Variants in PBK observed in about 807,000 individuals in gnomAD.
PBK encodes the protein PDZ binding kinase, also known as lymphokine-activated killer T-cell-originated protein kinase.
PBK carries 22 observed loss-of-function variants against 33.5 expected under a neutral mutation model. The observed-to-expected ratio is 0.66, with a 90% CI of 0.47 to 0.94. The LOEUF is 0.94. Ranked by LOEUF, PBK falls within the 40% of genes least tolerant of loss-of-function variation. The pLI is 0.00. For synonymous variants in PBK, 129 were observed against 123.8 expected, an observed-to-expected ratio of 1.04 and a Z score of -0.28; for missense variants, 376 against 383.4, an observed-to-expected ratio of 0.98 and a Z score of 0.16.
At chr8:27,835,829 G>C (rs1270405757) in intron 1 of PBK, among the ~76,000 whole-genome samples, 1 of 152,192 alleles carries the variant, frequency 6.6e-6, no homozygotes, top group Non-Finnish European at 1.5e-5. Flanking sequence ...GATTACAGGC[G>C]TGAGCCACCA....
chr8:27,833,667 A>ATTG (rs1242633877), intron 1 of PBK, among the ~76,000 whole-genome samples: 10 of 152,100 alleles, frequency 6.6e-5, no homozygotes, highest in Non-Finnish European at 1.5e-4. Flanking sequence ...AATATTAGTG[A>ATTG]TTGGGTATTT....
At chr8:27,833,289 C>A (rs946111700) in intron 1 of PBK, among the ~76,000 whole-genome samples, 156 bp from the exon 2 acceptor site, 1 of 151,882 alleles carries the variant, frequency 6.6e-6, no homozygotes, top group Non-Finnish European at 1.5e-5. Context: ...GTCGGTGGAT[C>A]ACCTGAGGTC....
At chr8:27,834,764 C>T (rs1043388633) in intron 1 of PBK, among the ~76,000 whole-genome samples, 1 of 151,960 alleles carries the variant, frequency 6.6e-6, no homozygotes, top group East Asian at 1.9e-4. Context: ...GGTGTGGTGG[C>T]GTGTACCTGT....
chr8:27,831,813 G>A (rs1323955276), intron 2 of PBK, among the ~76,000 whole-genome samples: 1 of 151,982 alleles, frequency 6.6e-6, no homozygotes, highest in South Asian at 2.1e-4. Context: ...AATTCACAAA[G>A]AAAATAAGAG....
chr8:27,833,402 G>A (rs546526733), intron 1 of PBK, among the ~76,000 whole-genome samples: 11 of 152,152 alleles, frequency 7.2e-5, no homozygotes, highest in African/African-American at 2.4e-4. Flanking sequence ...CCAGCTGCTT[G>A]GGAGGCTGAG....
chr8:27,833,700 T>C (rs1806174724), intron 1 of PBK, among the ~76,000 whole-genome samples: 1 of 130,608 alleles, frequency 7.7e-6, no homozygotes, highest in Non-Finnish European at 1.6e-5. Flanking sequence ...TAAAGTAATA[T>C]ATGCACTTAG....
In PBK at chr8:27,823,135, G is replaced by T. The variant is rs555494869; in HGVS notation, c.223C>A (p.Arg75=). 6.4e-7 allele frequency: 1 copy of T among 1,560,934 alleles called. No homozygotes were observed. The highest frequency in any genetic ancestry group is 8.8e-7 in the Non-Finnish European group (1 of 1,133,068). ...ATTAGTCTCTTTTGATACACACTTCGATAATGATCATTACATATAGGATTA... is the reference window on the plus strand; with the variant it reads ...ATTAGTCTCTTTTGATACACACTTCTATAATGATCATTACATATAGGATTA... ...KINPICNDHY[R]SVYQKRLMDE... Residue 75 remains arginine (R), a synonymous_variant, in exon 4 of 8, where the codon CGA becomes AGA. Transcript: ENST00000301905.
At chr8:27,812,987 T>C (rs1226767450) in intron 6 of PBK, among the ~76,000 whole-genome samples, 2 of 152,212 alleles carry the variant, frequency 1.3e-5, no homozygotes, top group African/African-American at 2.4e-5. Context: ...CCCAAAGGAT[T>C]AGAAATCATG....
intron 6 of PBK, among the ~76,000 whole-genome samples, chr8:27,816,359 T>TATATATATATATATATATATATA (rs1563489324): frequency 1.4e-3 from 175 of 126,252 alleles, no homozygotes; most frequent in African/African-American, 2.7e-3. Context: ...ATATATATAT[T>TATATATATATATATATATATATA]TATTTATTTA....
chr8:27,824,108 A>T (rs1299834222), intron 3 of PBK, among the ~76,000 whole-genome samples: 2 of 152,118 alleles, frequency 1.3e-5, no homozygotes, highest in African/African-American at 4.8e-5. Context: ...GGATCACAAG[A>T]TTTCTTAATT....
At chr8:27,816,359 T>TATATATATATATATATATATATATATATA (rs1563489324) in intron 6 of PBK, among the ~76,000 whole-genome samples, 15 of 126,620 alleles carry the variant, frequency 1.2e-4, no homozygotes, top group Admixed American at 2.5e-4. Context: ...ATATATATAT[T>TATATATATATATATATATATATATATATA]TATTTATTTA....
chr8:27,822,520 A>G, intron 4 of PBK, 32 bp from the exon 5 acceptor site: 2 of 1,440,572 alleles, frequency 1.4e-6, no homozygotes, highest in Non-Finnish European at 1.9e-6. Flanking sequence ...CTTCACTAAT[A>G]TAGAGAAGAA....
intron 5 of PBK, 95 bp from the exon 6 acceptor site, chr8:27,820,789 T>A: frequency 3.1e-6 from 2 of 643,144 alleles, no homozygotes; most frequent in Non-Finnish European, 5.1e-6. Flanking sequence ...ACTCCCTTCC[T>A]AAACTCTAGG....
At chr8:27,815,607 C>T (rs1021876532) in intron 6 of PBK, among the ~76,000 whole-genome samples, 5 of 152,142 alleles carry the variant, frequency 3.3e-5, no homozygotes, top group Non-Finnish European at 7.3e-5. Context: ...TCAGTATATA[C>T]ACGTATATGT....
At chr8:27,834,704 G>A (rs1340430534) in intron 1 of PBK, among the ~76,000 whole-genome samples, 1 of 152,128 alleles carries the variant, frequency 6.6e-6, no homozygotes, top group African/African-American at 2.4e-5. Flanking sequence ...GACCAGCCTG[G>A]CCAACATGGC....
In PBK at chr8:27,824,704, C is replaced by T. The variant is rs1408007798; in HGVS notation, c.153-1499G>A. ...CATTCAATCTTATACAAACTGTTTC[C>T]CCAGGGAACAGAAAAGGTACTATGA... On this transcript the variant is annotated intron_variant, in intron 3 of 7. Coordinates refer to ENST00000301905, the MANE Select transcript of PBK (RefSeq NM_018492.4). Among the ~76,000 whole-genome samples the T allele has an allele frequency of 5.3e-5, 8 of 152,002 alleles. No homozygotes were observed. In the East Asian group the frequency reaches 1.5e-3, roughly 29 times the overall value.
intron 3 of PBK, among the ~76,000 whole-genome samples, chr8:27,825,902 T>G (rs2128964323): frequency 6.6e-6 from 1 of 152,222 alleles, no homozygotes; most frequent in Middle Eastern, 3.4e-3. Flanking sequence ...GGATTCCAGA[T>G]GGAGAACAGA....
intron 6 of PBK, among the ~76,000 whole-genome samples, chr8:27,817,951 T>G (rs1805849661): frequency 6.6e-6 from 1 of 152,188 alleles, no homozygotes; most frequent in African/African-American, 2.4e-5. Flanking sequence ...GCACTTGAAT[T>G]GTGGCTAGGG....
intron 6 of PBK, among the ~76,000 whole-genome samples, chr8:27,817,982 A>G (rs1484049857): frequency 6.6e-6 from 1 of 152,178 alleles, no homozygotes; most frequent in South Asian, 2.1e-4. Flanking sequence ...AATAATTTCA[A>G]TGTTTTAATA....
Sources: allele counts gnomAD v4.1 joint callset (sites outside exome capture counted in the v4.1 genomes callset), GRCh38; gene constraint gnomAD v4.1.1; transcripts MANE v1.5; gene names NCBI Gene and HGNC (gene_info 2026-07-23, HGNC 2026-07-21).